GPC6: variants seen among roughly 807,000 people sequenced by gnomAD.
GPC6 encodes glypican 6.
GPC6 carries 14 observed loss-of-function variants against 55.2 expected under a neutral mutation model. The ratio of observed to expected loss-of-function variants is 0.25; its 90% CI spans 0.17 to 0.40. GPC6 has a LOEUF of 0.40. Among genes scored for constraint, GPC6 ranks in the 10% least tolerant of loss-of-function variants. GPC6 has a pLI of 1.00. For synonymous variants in GPC6, 278 were observed against 259.6 expected, an observed-to-expected ratio of 1.07 and a Z score of -0.68; for missense variants, 641 against 708.5, an observed-to-expected ratio of 0.90 and a Z score of 1.08.
intron 1 of GPC6, among the ~76,000 whole-genome samples, chr13:93,431,376 T>A (rs1409763140): frequency 6.6e-6 from 1 of 152,098 alleles, no homozygotes; most frequent in Admixed American, 6.6e-5. Context: ...GTTAGCCATA[T>A]GATGTCTCCA....
chr13:94,197,456 T>C (rs1244837937), intron 4 of GPC6, among the ~76,000 whole-genome samples: 1 of 152,230 alleles, frequency 6.6e-6, no homozygotes, highest in Admixed American at 6.5e-5. Flanking sequence ...ATCAAGGTTC[T>C]GGCCAATTCA....
At position 93,878,058 on chromosome 13, in the gene GPC6, G is replaced by A. The variant is rs534264667; in HGVS notation, c.711+47513G>A. Among the ~76,000 whole-genome samples the A allele has an allele frequency of 2.0e-5, 3 of 152,128 alleles. No homozygotes were observed. In the East Asian group the frequency reaches 5.8e-4, roughly 30 times the overall value. ...TTATCTTCAGGACACTATTGATGCT[G>A]AAAAAATAAGTTGTTATTTGTCTTT... On this transcript the variant is annotated intron_variant, in intron 3 of 8. Transcript: ENST00000377047.
chr13:94,077,341 T>G (rs1254126024), intron 4 of GPC6, among the ~76,000 whole-genome samples: 1 of 151,892 alleles, frequency 6.6e-6, no homozygotes, highest in Non-Finnish European at 1.5e-5. Context: ...TTCTGCAACT[T>G]TACTGAATTT....
At chr13:93,988,102 G>C (rs1881116978) in intron 3 of GPC6, among the ~76,000 whole-genome samples, 1 of 152,132 alleles carries the variant, frequency 6.6e-6, no homozygotes, top group Admixed American at 6.5e-5. Flanking sequence ...ATTACCACGG[G>C]TAGTTTTTAA....
chr13:93,781,772 A>G (rs1047803122), intron 2 of GPC6, among the ~76,000 whole-genome samples: 7 of 152,302 alleles, frequency 4.6e-5, no homozygotes, highest in Non-Finnish European at 7.4e-5. Context: ...CTATGTATAT[A>G]GGTAAAATAC....
intron 1 of GPC6, among the ~76,000 whole-genome samples, chr13:93,290,623 A>G (rs531514265): frequency 6.6e-6 from 1 of 152,232 alleles, no homozygotes; most frequent in Non-Finnish European, 1.5e-5. Context: ...AATTATCATC[A>G]CCCAGCCTGA....
chr13:94,047,328 A>G (rs1358470377), intron 4 of GPC6, among the ~76,000 whole-genome samples: 1 of 152,062 alleles, frequency 6.6e-6, no homozygotes, highest in Non-Finnish European at 1.5e-5. Flanking sequence ...GGGGGATCTC[A>G]GCCTTTACTC....
chr13:93,873,062 T>A (rs947370348), intron 3 of GPC6, among the ~76,000 whole-genome samples: 1 of 151,602 alleles, frequency 6.6e-6, no homozygotes, highest in African/African-American at 2.4e-5. Flanking sequence ...AACCATTTGC[T>A]AAACATACAC....
upstream of GPC6, among the ~76,000 whole-genome samples, chr13:93,223,226 C>T (rs1875668324): frequency 6.6e-6 from 1 of 151,994 alleles, no homozygotes. Flanking sequence ...GGCTGCACGA[C>T]TCGTCTGTCA....
intron 6 of GPC6, among the ~76,000 whole-genome samples, chr13:94,307,956 G>C (rs1000323858): frequency 1.3e-5 from 2 of 151,970 alleles, no homozygotes; most frequent in Non-Finnish European, 2.9e-5. Context: ...AAGATCTGAG[G>C]TACTACATTG....
chr13:93,738,976 C>A (rs967642692), intron 2 of GPC6, among the ~76,000 whole-genome samples: 1 of 151,134 alleles, frequency 6.6e-6, no homozygotes, highest in African/African-American at 2.4e-5. Context: ...CACACACTCA[C>A]ACACATGAAA....
Position 93,550,119 on chromosome 13 carries a change from T to C in GPC6, c.319+4698T>C, listed in dbSNP as rs7324617. Among the ~76,000 whole-genome samples the C allele has an allele frequency of 2.6e-3, 392 of 152,252 alleles. 1 individual carries two copies. Among genetic ancestry groups the C allele is most frequent in the African/African-American group, 9.1e-3 (379 of 41,562 alleles). On this transcript the variant is annotated intron_variant, in intron 2 of 8. Transcript: ENST00000377047. ...ATTAAAGAGGAATGGGTGTTTTTTG[T>C]AAAAGCCTTTGTTGAATCAATGAAG...
At chr13:93,654,446 G>A (rs1004477326) in intron 2 of GPC6, among the ~76,000 whole-genome samples, 3 of 151,866 alleles carry the variant, frequency 2.0e-5, no homozygotes. Flanking sequence ...TCCTGCCTTA[G>A]CCTCCAGAGT....
intron 1 of GPC6, among the ~76,000 whole-genome samples, chr13:93,512,168 T>C (rs949832952): frequency 6.6e-6 from 1 of 152,082 alleles, no homozygotes; most frequent in Non-Finnish European, 1.5e-5. Context: ...TTTGGATGCA[T>C]TTTATTTCTT....
At chr13:93,839,728 G>A (rs531321102) in intron 3 of GPC6, among the ~76,000 whole-genome samples, 1 of 152,072 alleles carries the variant, frequency 6.6e-6, no homozygotes, top group Non-Finnish European at 1.5e-5. Context: ...TTATGAGGAT[G>A]TTCCCTGGTG....
chr13:93,455,027 G>A (rs2813623), intron 1 of GPC6, among the ~76,000 whole-genome samples: 27,734 of 152,244 alleles, frequency 0.18, 3,063 homozygotes, highest in East Asian at 0.47. Context: ...CCTCTGGCCC[G>A]GGTGCTAAGC....
At chr13:94,394,282 C>T (rs35543770) in intron 7 of GPC6, among the ~76,000 whole-genome samples, 7,920 of 152,280 alleles carry the variant, frequency 0.052, 334 homozygotes, top group South Asian at 0.2. Context: ...CAGGGCAAGC[C>T]GCATTGGCAA....
At chr13:93,698,771 C>G (rs1038612565) in intron 2 of GPC6, among the ~76,000 whole-genome samples, 2 of 151,972 alleles carry the variant, frequency 1.3e-5, no homozygotes, top group African/African-American at 4.8e-5. Flanking sequence ...TTGGCTTTCA[C>G]AATCCTTCTT....
intron 3 of GPC6, among the ~76,000 whole-genome samples, chr13:93,964,472 G>T (rs1446404603): frequency 1.3e-5 from 2 of 152,188 alleles, no homozygotes; most frequent in African/African-American, 4.8e-5. Context: ...ATCACTTAAA[G>T]TAGCCCAGCA....
Sources: gnomAD v4.1 joint callset for allele counts (sites outside exome capture counted in the v4.1 genomes callset) on GRCh38, gnomAD v4.1.1 for gene constraint, MANE v1.5 for transcripts, NCBI Gene and HGNC (gene_info 2026-07-23, HGNC 2026-07-21) for gene names.